The following ARID1B variants were observed in gnomAD, a reference collection of about 807,000 sequenced individuals.
ARID1B encodes the protein AT-rich interactive domain-containing protein 1B.
ARID1B carries 30 observed loss-of-function variants against 212.3 expected under a neutral mutation model. The observed-to-expected ratio is 0.14, with a 90% confidence interval of 0.11 to 0.19. The LOEUF (loss-of-function observed/expected upper bound fraction) is 0.19. Ranked by LOEUF, ARID1B falls within the 10% of genes least tolerant of loss-of-function variation. ARID1B has a pLI of 1.00. For missense variants in ARID1B, 2,891 were observed against 3,204.0 expected (o/e 0.90, Z 2.36); for synonymous variants, 1,402 against 1,301.7 (o/e 1.08, Z -1.66).
Position 156,887,580 on chromosome 6 carries a change from T to G in ARID1B, c.1987-13796T>G, listed in dbSNP as rs151285546. Among the ~76,000 whole-genome samples, 206 of 152,296 alleles carry G rather than the reference T, an allele frequency of 1.4e-3. 2 individuals carry two copies. The highest frequency in any genetic ancestry group is 0.013 in the South Asian group (61 of 4,824). On this transcript the variant is annotated intron_variant, in intron 2 of 19. Coordinates refer to ENST00000636930, the MANE Select transcript of ARID1B (RefSeq NM_001374828.1). Reference sequence around the variant, plus strand: ...TTTGAAATTTTCATTTTTGATGGGCTTGGCATTTTCTTCTGTTTTCATCAG... The same window carrying G: ...TTTGAAATTTTCATTTTTGATGGGCGTGGCATTTTCTTCTGTTTTCATCAG...
At chr6:157,093,826 T>C (rs549693945) in intron 5 of ARID1B, among the ~76,000 whole-genome samples, 113 of 152,374 alleles carry the variant, frequency 7.4e-4, no homozygotes, top group African/African-American at 2.6e-3. Context: ...ACTATCCTAA[T>C]TGTTCCGTTT....
chr6:156,975,798 G>A (rs533718581), intron 4 of ARID1B, among the ~76,000 whole-genome samples: 3 of 151,962 alleles, frequency 2.0e-5, no homozygotes, highest in South Asian at 2.1e-4. Context: ...CATGTCACGA[G>A]CGTCCATGTG....
intron 12 of ARID1B, among the ~76,000 whole-genome samples, chr6:157,182,305 C>CA (rs1259397695): frequency 1.3e-5 from 2 of 152,176 alleles, no homozygotes; most frequent in Non-Finnish European, 2.9e-5. Context: ...CAGGGACACT[C>CA]ACAGGGTAGT....
At chr6:156,922,897 C>T (rs1374342805) in intron 3 of ARID1B, among the ~76,000 whole-genome samples, 1 of 152,158 alleles carries the variant, frequency 6.6e-6, no homozygotes, top group Admixed American at 6.5e-5. Flanking sequence ...ACTGATGTTG[C>T]TAGTTTCTGA....
At chr6:157,095,072 T>C (rs749227238) in intron 5 of ARID1B, among the ~76,000 whole-genome samples, 8 of 152,066 alleles carry the variant, frequency 5.3e-5, no homozygotes, top group Non-Finnish European at 1.2e-4. Context: ...TGTGTGAGGC[T>C]TTAGGGTTCA....
chr6:157,000,696 C>CTTTTTTTTTTTTTTT (rs10536002), intron 4 of ARID1B, among the ~76,000 whole-genome samples: 17 of 99,230 alleles, frequency 1.7e-4, no homozygotes, highest in East Asian at 2.8e-4. Flanking sequence ...TCTAATTATT[C>CTTTTTTTTTTTTTTT]TTTTTTTTTT....
intron 3 of ARID1B, among the ~76,000 whole-genome samples, chr6:156,930,973 A>T (rs6900637): frequency 1.5e-4 from 23 of 152,142 alleles, no homozygotes; most frequent in African/African-American, 5.3e-4. Flanking sequence ...GGCAGTTCAC[A>T]AGGTCAGGAG....
chr6:156,945,116 T>A (rs1373668506), intron 4 of ARID1B, among the ~76,000 whole-genome samples: 1 of 148,714 alleles, frequency 6.7e-6, no homozygotes. Flanking sequence ...TTTTTTTTTT[T>A]AGTAGAGACG....
chr6:156,776,202 T>C (rs1337071126), upstream of ARID1B, among the ~76,000 whole-genome samples: 2 of 152,218 alleles, frequency 1.3e-5, no homozygotes, highest in Non-Finnish European at 2.9e-5. Context: ...AAGTGGGTCA[T>C]TGCCTAAGGT....
chr6:157,182,391 T>A (rs1268213803), intron 12 of ARID1B, among the ~76,000 whole-genome samples: 1 of 152,218 alleles, frequency 6.6e-6, no homozygotes, highest in Non-Finnish European at 1.5e-5. Flanking sequence ...CAGCTATGCA[T>A]TAGAATGGCC....
intron 2 of ARID1B, among the ~76,000 whole-genome samples, chr6:156,875,846 C>G (rs1399179128): frequency 6.6e-6 from 1 of 152,204 alleles, no homozygotes; most frequent in East Asian, 1.9e-4. Flanking sequence ...TTTTGGCTAA[C>G]AAATGTAGTA....
intron 4 of ARID1B, among the ~76,000 whole-genome samples, chr6:157,057,771 A>T (rs540984183): frequency 2.6e-5 from 4 of 152,200 alleles, no homozygotes; most frequent in African/African-American, 9.7e-5. Context: ...AAATGTGTCA[A>T]AATTTTAAAA....
At chr6:157,016,652 C>T (rs1022868838) in intron 4 of ARID1B, among the ~76,000 whole-genome samples, 2 of 152,168 alleles carry the variant, frequency 1.3e-5, no homozygotes, top group Non-Finnish European at 2.9e-5. Context: ...AGTGGCCCTG[C>T]AATGGAGTGG....
intron 6 of ARID1B, among the ~76,000 whole-genome samples, chr6:157,120,508 T>C (rs1787635785): frequency 6.6e-6 from 1 of 152,212 alleles, no homozygotes; most frequent in African/African-American, 2.4e-5. Context: ...TTCAAAGTAG[T>C]TCATGTTGTG....
intron 8 of ARID1B, among the ~76,000 whole-genome samples, chr6:157,162,515 G>A (rs1291121598): frequency 6.6e-6 from 1 of 152,224 alleles, no homozygotes; most frequent in African/African-American, 2.4e-5. Context: ...CAGCCCGTGG[G>A]CAGGAATGAG....
At chr6:156,809,412 T>A (rs1193483880) in intron 1 of ARID1B, among the ~76,000 whole-genome samples, 1 of 152,214 alleles carries the variant, frequency 6.6e-6, no homozygotes, top group East Asian at 1.9e-4. Flanking sequence ...TCTCGCCTAT[T>A]TGAATTTTGA....
intron 4 of ARID1B, among the ~76,000 whole-genome samples, chr6:157,021,639 C>G (rs1187242942): frequency 1.3e-5 from 2 of 152,156 alleles, no homozygotes; most frequent in Non-Finnish European, 1.5e-5. Flanking sequence ...ACAGATGAGC[C>G]TTTGTGGGAC....
intron 5 of ARID1B, among the ~76,000 whole-genome samples, chr6:157,101,825 G>A (rs77250241): frequency 0.056 from 8,492 of 152,206 alleles, 353 homozygotes; most frequent in Non-Finnish European, 0.087. Context: ...CATTAAAACC[G>A]AAATCAAGTA....
intron 4 of ARID1B, among the ~76,000 whole-genome samples, chr6:156,975,820 A>T (rs910660392): frequency 6.6e-6 from 1 of 151,984 alleles, no homozygotes; most frequent in African/African-American, 2.4e-5. Context: ...AGAGACCACC[A>T]GGCAAGCTTT....
Sources: gnomAD v4.1 joint callset for allele counts (sites outside exome capture counted in the v4.1 genomes callset) on GRCh38, gnomAD v4.1.1 for gene constraint, MANE v1.5 for transcripts, NCBI Gene and HGNC (gene_info 2026-07-23, HGNC 2026-07-21) for gene names.